Variants in RBMS3 observed in about 807,000 individuals in gnomAD.
RBMS3 encodes RNA-binding motif, single-stranded-interacting protein 3.
Under a neutral mutation model 66.8 loss-of-function variants are expected in RBMS3, and 27 were observed. The observed-to-expected ratio is 0.40, with a 90% CI of 0.30 to 0.56. RBMS3 has a LOEUF of 0.56. Ranked by LOEUF, RBMS3 falls within the 20% of genes least tolerant of loss-of-function variation. RBMS3 has a pLI of 0.40. For missense variants in RBMS3, 513 were observed against 549.5 expected (o/e 0.93, Z 0.66); for synonymous variants, 188 against 183.0 (o/e 1.03, Z -0.22).
chr3:29,497,587 C>T (rs575210345), intron 3 of RBMS3, among the ~76,000 whole-genome samples: 99 of 152,272 alleles, frequency 6.5e-4, no homozygotes, highest in Non-Finnish European at 1.2e-3. Flanking sequence ...GTCACCTTCT[C>T]AAAAAGTCCT....
chr3:29,283,657 A>C, intron 1 of RBMS3, among the ~76,000 whole-genome samples: 1 of 152,182 alleles, frequency 6.6e-6, no homozygotes, highest in Non-Finnish European at 1.5e-5. Context: ...GAACATTTTT[A>C]AAGAAGTTAG....
At chr3:29,874,059 G>T (rs909854233) in intron 7 of RBMS3, among the ~76,000 whole-genome samples, 1 of 152,092 alleles carries the variant, frequency 6.6e-6, no homozygotes, top group Non-Finnish European at 1.5e-5. Flanking sequence ...CCGTAAAATA[G>T]CCCCCTTGTC....
intron 11 of RBMS3, 22 bp downstream of exon 11, chr3:29,936,218 GT>G: frequency 6.2e-7 from 1 of 1,601,346 alleles, no homozygotes; most frequent in Non-Finnish European, 8.5e-7. Flanking sequence ...AGATTGTTTT[GT>G]TTCCTTGAAC....
intron 6 of RBMS3, among the ~76,000 whole-genome samples, chr3:29,791,917 C>A (rs973503822): frequency 6.6e-6 from 1 of 152,102 alleles, no homozygotes; most frequent in Admixed American, 6.5e-5. Context: ...TTATTACCAA[C>A]TTATTTATTT....
chr3:29,640,505 G>C (rs757669465), intron 4 of RBMS3, among the ~76,000 whole-genome samples: 1 of 151,864 alleles, frequency 6.6e-6, no homozygotes, highest in Non-Finnish European at 1.5e-5. Flanking sequence ...TGCTTCACTA[G>C]TTAATATTTA....
chr3:29,834,391 T>C (rs576774169), intron 6 of RBMS3, among the ~76,000 whole-genome samples: 3 of 152,190 alleles, frequency 2.0e-5, no homozygotes, highest in Non-Finnish European at 2.9e-5. Context: ...ATAGCTATAA[T>C]AACCTGTTAA....
intron 3 of RBMS3, among the ~76,000 whole-genome samples, chr3:29,582,181 GATA>G (rs2047354513): frequency 6.7e-6 from 1 of 149,934 alleles, no homozygotes; most frequent in Non-Finnish European, 1.5e-5. Context: ...TAGATAGATA[GATA>G]GATAGATAGA....
intron 11 of RBMS3, among the ~76,000 whole-genome samples, chr3:29,943,328 AG>A (rs1311458601): frequency 1.3e-5 from 2 of 151,832 alleles, no homozygotes; most frequent in African/African-American, 4.8e-5. Flanking sequence ...TACCCCTCCA[AG>A]GGGAGTGGGG....
chr3:29,808,809 C>T (rs1211781830), intron 6 of RBMS3, among the ~76,000 whole-genome samples: 7 of 151,696 alleles, frequency 4.6e-5, no homozygotes, highest in Admixed American at 2.0e-4. Flanking sequence ...CTTAGAAATG[C>T]GTAGGATCTG....
At chr3:29,810,219 G>C (rs2057691417) in intron 6 of RBMS3, among the ~76,000 whole-genome samples, 2 of 152,070 alleles carry the variant, frequency 1.3e-5, no homozygotes, top group South Asian at 2.1e-4. Context: ...CAAGAGACAT[G>C]ATGAGTAATA....
intron 12 of RBMS3, among the ~76,000 whole-genome samples, chr3:29,967,631 TG>T (rs1413201029): frequency 1.3e-5 from 2 of 152,210 alleles, no homozygotes; most frequent in African/African-American, 4.8e-5. Context: ...TTTTAATTAC[TG>T]TTTCAATCTT....
At chr3:29,519,094 A>G (rs139589724) in intron 3 of RBMS3, among the ~76,000 whole-genome samples, 63 of 152,336 alleles carry the variant, frequency 4.1e-4, no homozygotes, top group Non-Finnish European at 1.2e-4. Context: ...TGAAATTACA[A>G]TGTCTTCTGT....
chr3:29,943,496 A>G (rs2061439130), intron 11 of RBMS3, among the ~76,000 whole-genome samples: 1 of 151,826 alleles, frequency 6.6e-6, no homozygotes, highest in East Asian at 1.9e-4. Context: ...GTAACCCCTA[A>G]TTTTGAAATG....
chr3:29,970,975 C>T (rs1697192147), intron 12 of RBMS3, among the ~76,000 whole-genome samples: 1 of 152,130 alleles, frequency 6.6e-6, no homozygotes, highest in Non-Finnish European at 1.5e-5. Flanking sequence ...CTCCGTCTTC[C>T]CGCCAGCTTC....
chr3:29,726,902 A>G (rs541857448), intron 4 of RBMS3, among the ~76,000 whole-genome samples: 2 of 152,308 alleles, frequency 1.3e-5, no homozygotes, highest in Middle Eastern at 3.4e-3. Context: ...GAGCTTGTAT[A>G]GCCAAGACAA....
intron 4 of RBMS3, among the ~76,000 whole-genome samples, chr3:29,723,095 C>T (rs1207814912): frequency 6.6e-6 from 1 of 152,106 alleles, no homozygotes; most frequent in African/African-American, 2.4e-5. Flanking sequence ...CCTGCCTCAT[C>T]CTCCTGAATG....
chr3:29,991,274 T>C (rs1370173043), intron 14 of RBMS3, 65 bp downstream of exon 14: 14 of 1,605,644 alleles, frequency 8.7e-6, no homozygotes, highest in Non-Finnish European at 9.4e-6. Context: ...CTCTCTCATG[T>C]TGTATGTGTT....
chr3:30,006,328 T>A lies in RBMS3; in HGVS notation c.*2466T>A, dbSNP rs140556664. 6.6e-6 allele frequency: 1 copy of A among 151,900 alleles called. No individual in the cohort carries two copies. Among genetic ancestry groups the A allele is most frequent in the Non-Finnish European group, 1.5e-5 (1 of 67,836 alleles). The allele number at this position is 151,900 out of a possible 1,614,324, so 9.4% of individuals were successfully genotyped here. A position where few individuals can be genotyped will look rare whatever the true frequency, so the allele number is the denominator to read the frequency against. ...CTATTTCTGTAAACTCTGGTTCTCT[T>A]ATTTGCAACCCCATGCACTGGAAGC... On this transcript the variant is annotated 3_prime_UTR_variant, in exon 15 of 15. Transcript: ENST00000383767.
chr3:29,760,270 TACACACACACACCCCTACAC>T lies in RBMS3; in HGVS notation c.558-2622_558-2603del, dbSNP rs1324632477. 4.1e-3 allele frequency among the ~76,000 whole-genome samples: 579 copies of T among 139,620 alleles called. 4 individuals are homozygous for T. The highest frequency in any genetic ancestry group is 0.015 in the African/African-American group (558 of 37,060). 91.6% of individuals were successfully genotyped at this position (139,620 alleles called of 152,430 possible). On this transcript the variant is annotated intron_variant, in intron 5 of 14. Transcript: ENST00000383767. The stretch of plus-strand genomic sequence containing the variant: ...TAGAATAAACACACACACACACACA[TACACACACACACCCCTACAC>T]ACACACACACACCCCTAGTATTAGT...
Sources: gnomAD v4.1 joint callset for allele counts (sites outside exome capture counted in the v4.1 genomes callset) on GRCh38, gnomAD v4.1.1 for gene constraint, MANE v1.5 for transcripts, NCBI Gene and HGNC (gene_info 2026-07-23, HGNC 2026-07-21) for gene names.